Variants in ARHGEF28 observed in about 807,000 individuals in gnomAD.
The protein encoded by ARHGEF28 is Rho guanine nucleotide exchange factor 28.
In ARHGEF28, 152 loss-of-function variants were observed where a neutral mutation model predicts 206.6. The observed-to-expected ratio is 0.74, with a 90% CI of 0.64 to 0.84. The LOEUF (loss-of-function observed/expected upper bound fraction) is 0.84. Ranked by LOEUF, ARHGEF28 falls within the 40% of genes least tolerant of loss-of-function variation. The probability of loss-of-function intolerance (pLI) is 0.00; values close to 1 mark genes in which losing one functional copy is unlikely to be tolerated. For synonymous variants in ARHGEF28, 763 were observed against 776.4 expected (o/e 0.98, Z 0.29); for missense variants, 2,028 against 2,073.2 (o/e 0.98, Z 0.42).
chr5:73,737,502 CTTTT>C, intron 2 of ARHGEF28, among the ~76,000 whole-genome samples: 1 of 93,270 alleles, frequency 1.1e-5, no homozygotes, highest in South Asian at 3.2e-4. Flanking sequence ...CTTTTCTTTT[CTTTT>C]CTTTTCTTTT....
chr5:73,875,788 T>G (rs1015756873), intron 22 of ARHGEF28, among the ~76,000 whole-genome samples: 9 of 152,262 alleles, frequency 5.9e-5, no homozygotes, highest in African/African-American at 2.2e-4. Flanking sequence ...TATCTCTGTT[T>G]TGGTACCAGT....
intron 1 of ARHGEF28, among the ~76,000 whole-genome samples, chr5:73,670,695 A>C (rs1746249290): frequency 6.6e-6 from 1 of 152,212 alleles, no homozygotes. Context: ...TTTGAATGGT[A>C]TGCATTGATA....
rs115325209 is a variant in ARHGEF28 at position 73,719,755 on chromosome 5, A to G, written c.34-30082A>G. 8.4e-3 allele frequency among the ~76,000 whole-genome samples: 1,279 copies of G among 152,394 alleles called. 7 individuals are homozygous for G. Among genetic ancestry groups the G allele is most frequent in the Non-Finnish European group, 0.013 (854 of 68,048 alleles). ...TCTGTACAAGTTTGAAAATATGTGC[A>G]TAGCACTGTAGTATGTAAATATGCG... On this transcript the variant is annotated intron_variant, in intron 2 of 35. Transcript: ENST00000513042.
chr5:73,741,371 GTGTGTGTGTGTGTGTATATATATATATA>G (rs1751377565), intron 2 of ARHGEF28, among the ~76,000 whole-genome samples: 88 of 61,790 alleles, frequency 1.4e-3, no homozygotes, highest in Non-Finnish European at 2.0e-3. Context: ...GTGTGTGTGT[GTGTGTGTGTGTGTGTATATATATATATA>G]TATATATATA....
At chr5:73,670,901 C>T (rs1746263040) in intron 1 of ARHGEF28, among the ~76,000 whole-genome samples, 2 of 152,108 alleles carry the variant, frequency 1.3e-5, no homozygotes, top group Admixed American at 1.3e-4. Flanking sequence ...TATTTTCTCC[C>T]ACTCTGGAGC....
intron 2 of ARHGEF28, among the ~76,000 whole-genome samples, chr5:73,704,805 T>C (rs1470899521): frequency 1.3e-5 from 2 of 152,130 alleles, no homozygotes; most frequent in Non-Finnish European, 2.9e-5. Context: ...CATCATACAG[T>C]TGTTAAACCT....
At chr5:73,737,614 C>T (rs570849544) in intron 2 of ARHGEF28, among the ~76,000 whole-genome samples, 46 of 151,542 alleles carry the variant, frequency 3.0e-4, no homozygotes, top group Middle Eastern at 3.4e-3. Context: ...CGGGTTCACG[C>T]GATTCTTCTG....
chr5:73,711,169 A>G (rs1177798176), intron 2 of ARHGEF28, among the ~76,000 whole-genome samples: 1 of 152,142 alleles, frequency 6.6e-6, no homozygotes, highest in Non-Finnish European at 1.5e-5. Flanking sequence ...TTTATAGGCT[A>G]TGTACCGTGT....
intron 9 of ARHGEF28, among the ~76,000 whole-genome samples, chr5:73,798,024 T>C (rs1418849008): frequency 6.6e-6 from 1 of 152,224 alleles, no homozygotes; most frequent in African/African-American, 2.4e-5. Flanking sequence ...GTAAGTTCCC[T>C]TTGTGGTGGT....
At chr5:73,667,030 C>T (rs756551522) in intron 1 of ARHGEF28, among the ~76,000 whole-genome samples, 2 of 149,966 alleles carry the variant, frequency 1.3e-5, no homozygotes, top group African/African-American at 2.5e-5. Context: ...AGAACCACTC[C>T]GTGGTTGGTG....
At chr5:73,813,415 C>T in intron 9 of ARHGEF28, 1 of 1,336,050 alleles carries the variant, frequency 7.5e-7, no homozygotes, top group South Asian at 1.6e-5. Flanking sequence ...GCCTGAATGC[C>T]CGAAGGAAGC....
chr5:73,882,408 A>G, intron 22 of ARHGEF28, 64 bp from the exon 23 acceptor site: 7 of 1,157,982 alleles, frequency 6.0e-6, no homozygotes, highest in Non-Finnish European at 8.1e-6. Context: ...TGAAAATTGC[A>G]TATTTTTTGT....
At chr5:73,759,072 C>T (rs1250418986) in intron 4 of ARHGEF28, among the ~76,000 whole-genome samples, 7 of 152,200 alleles carry the variant, frequency 4.6e-5, no homozygotes, top group African/African-American at 1.7e-4. Context: ...TCCAGCTTCT[C>T]ATTCTGTGGG....
chr5:73,855,573 A>T (rs1439338441), intron 14 of ARHGEF28, among the ~76,000 whole-genome samples: 1 of 151,974 alleles, frequency 6.6e-6, no homozygotes, highest in Non-Finnish European at 1.5e-5. Context: ...CTCTACTAAA[A>T]ATATGAAAAT....
Position 73,811,798 on chromosome 5 carries a change from C to T in ARHGEF28, c.1024+16407C>T, listed in dbSNP as rs542001863. Among the ~76,000 whole-genome samples the T allele has an allele frequency of 1.4e-4, 21 of 152,140 alleles. No individual in the cohort carries two copies. The East Asian group carries it at 1.6e-3, about 11-fold the overall frequency. Reference sequence around the variant, plus strand: ...AGGAGTTCGAGACCAGCCTGGCTGACGTAGAAATAACACATCTCTACTAAA... The same window carrying T: ...AGGAGTTCGAGACCAGCCTGGCTGATGTAGAAATAACACATCTCTACTAAA... On this transcript the variant is annotated intron_variant, in intron 9 of 35. Coordinates refer to ENST00000513042, the MANE Select transcript of ARHGEF28 (RefSeq NM_001177693.2).
chr5:73,842,745 G>A (rs542535906), intron 11 of ARHGEF28, among the ~76,000 whole-genome samples: 2 of 152,286 alleles, frequency 1.3e-5, no homozygotes, highest in South Asian at 2.1e-4. Context: ...TTGGGAGGCC[G>A]AGGCAGGTGG....
At chr5:73,692,265 G>A (rs1337225593) in intron 2 of ARHGEF28, among the ~76,000 whole-genome samples, 1 of 152,064 alleles carries the variant, frequency 6.6e-6, no homozygotes, top group Non-Finnish European at 1.5e-5. Flanking sequence ...TGCAGAGGGT[G>A]CATGTGTGAG....
intron 16 of ARHGEF28, 67 bp from the exon 17 acceptor site, chr5:73,864,750 G>A (rs1759601520): frequency 3.0e-6 from 4 of 1,352,296 alleles, no homozygotes; most frequent in Middle Eastern, 1.8e-4. Context: ...AAAGCATGAT[G>A]TAGTCTTATT....
intron 1 of ARHGEF28, among the ~76,000 whole-genome samples, chr5:73,674,716 A>G (rs1413692836): frequency 6.6e-6 from 1 of 152,154 alleles, no homozygotes; most frequent in East Asian, 1.9e-4. Flanking sequence ...CCACCCCCCA[A>G]CCTCTGGGGA....
Sources: gnomAD v4.1 joint callset for allele counts (sites outside exome capture counted in the v4.1 genomes callset) on GRCh38, gnomAD v4.1.1 for gene constraint, MANE v1.5 for transcripts, NCBI Gene and HGNC (gene_info 2026-07-23, HGNC 2026-07-21) for gene names.